SCN2A: variants seen among roughly 807,000 people sequenced by gnomAD.
SCN2A encodes sodium channel protein type 2 subunit alpha.
In SCN2A, 20 loss-of-function variants were observed where a neutral mutation model predicts 188.7. That is an observed-to-expected ratio of 0.11 (90% CI 0.07 to 0.15). The LOEUF (loss-of-function observed/expected upper bound fraction) is 0.15. Among genes scored for constraint, SCN2A ranks in the 10% least tolerant of loss-of-function variants. The pLI, the probability that SCN2A is intolerant of heterozygous loss-of-function variation, is 1.00. For missense variants in SCN2A, 1,278 were observed against 2,445.0 expected (o/e 0.52, Z 10.07); for synonymous variants, 804 against 833.1 (o/e 0.97, Z 0.60).
At chr2:165,369,166 A>G (rs939746104) in intron 19 of SCN2A, among the ~76,000 whole-genome samples, 1 of 152,100 alleles carries the variant, frequency 6.6e-6, no homozygotes, top group African/African-American at 2.4e-5. Flanking sequence ...TGGCCTCAAG[A>G]GATCTGCCCG....
At chr2:165,253,545 T>G (rs1222067397) in intron 1 of SCN2A, among the ~76,000 whole-genome samples, 2 of 152,134 alleles carry the variant, frequency 1.3e-5, no homozygotes, top group Non-Finnish European at 2.9e-5. Flanking sequence ...GACACAGCCA[T>G]GCTTATTTTT....
rs542991950 is a variant in SCN2A at position 165,370,357 on chromosome 2, A to G, written c.3849+58A>G. 391 of 1,554,668 alleles carry G rather than the reference A, an allele frequency of 2.5e-4. 4 individuals carry two copies. The South Asian group carries it at 3.5e-3, about 14-fold the overall frequency. On this transcript the variant is annotated intron_variant, in intron 20 of 26. Coordinates refer to ENST00000375437, the MANE Select transcript of SCN2A (RefSeq NM_001040142.2). ...TGGCATATATGTAATAGTTCTAGCA[A>G]TGGTGCCTGACACAGTGTAGGCACT...
At chr2:165,289,224 C>A (rs1695988938) in intron 1 of SCN2A, among the ~76,000 whole-genome samples, 1 of 151,888 alleles carries the variant, frequency 6.6e-6, no homozygotes, top group Non-Finnish European at 1.5e-5. Context: ...TTACTACATA[C>A]CCTTATTTTT....
At chr2:165,303,049 G>C (rs1696907877) in intron 3 of SCN2A, among the ~76,000 whole-genome samples, 1 of 152,012 alleles carries the variant, frequency 6.6e-6, no homozygotes, top group African/African-American at 2.4e-5. Flanking sequence ...AGTTCTTAAA[G>C]CAATATTGTT....
At position 165,354,620 on chromosome 2, in the gene SCN2A, T is replaced by C. The variant is rs781717883; in HGVS notation, c.3348T>C (p.Asn1116=). ...PIAVGESDFE[N]LNTEEFSSES... ...CTGTTGGAGAATCTGACTTTGAAAA[T>C]TTAAATACTGAAGAATTCAGCAGCG... The change falls in exon 17 of 27, where the codon AAT becomes AAC. Residue 1116 remains asparagine, a synonymous_variant. Coordinates refer to ENST00000375437, the MANE Select transcript of SCN2A (RefSeq NM_001040142.2). 82 of 1,613,862 alleles carry C rather than the reference T, an allele frequency of 5.1e-5. No homozygotes were observed. Among genetic ancestry groups the C allele is most frequent in the Non-Finnish European group, 6.8e-5 (80 of 1,179,970 alleles).
chr2:165,306,905 A>G (rs912856649), intron 3 of SCN2A, among the ~76,000 whole-genome samples: 21 of 152,308 alleles, frequency 1.4e-4, no homozygotes, highest in Admixed American at 2.6e-4. Flanking sequence ...AAAGAGTGCC[A>G]CTTTACATAA....
chr2:165,319,059 CG>C lies in SCN2A; in HGVS notation c.1671+3304del, dbSNP rs1408943712. On this transcript the variant is annotated intron_variant, in intron 11 of 26. Transcript: ENST00000375437. Reference sequence around the variant, plus strand: ...AGTCTTCTTAGAAGTAGTTCTAGGCCGGGTGTGGTGGCTCATGCCTGTAATC... The same window carrying C: ...AGTCTTCTTAGAAGTAGTTCTAGGCCGGTGTGGTGGCTCATGCCTGTAATC... Among the ~76,000 whole-genome samples the C allele has an allele frequency of 5.9e-5, 9 of 152,044 alleles. No homozygotes were observed. In the South Asian group the frequency reaches 1.0e-3, roughly 18 times the overall value.
chr2:165,288,543 A>G (rs536745285), intron 1 of SCN2A, among the ~76,000 whole-genome samples: 1 of 152,100 alleles, frequency 6.6e-6, no homozygotes, highest in Non-Finnish European at 1.5e-5. Flanking sequence ...TAGCATTAAA[A>G]AAAAAAAACA....
intron 13 of SCN2A, chr2:165,328,545 C>G (rs1698489247): frequency 3.1e-6 from 3 of 980,592 alleles, no homozygotes; most frequent in Non-Finnish European, 3.6e-6. Flanking sequence ...CAGGGTAAGT[C>G]TAAATCAACA....
chr2:165,306,038 G>T (rs1030102964), intron 3 of SCN2A, among the ~76,000 whole-genome samples: 1 of 152,090 alleles, frequency 6.6e-6, no homozygotes, highest in African/African-American at 2.4e-5. Flanking sequence ...ACCGGTGGAG[G>T]GATTGGAAAC....
chr2:165,317,686 C>G (rs2105264596), intron 11 of SCN2A, among the ~76,000 whole-genome samples: 1 of 152,208 alleles, frequency 6.6e-6, no homozygotes, highest in East Asian at 1.9e-4. Flanking sequence ...GATATTCTCC[C>G]AGCAGCCTCT....
At chr2:165,326,767 A>G in intron 12 of SCN2A, 85 bp from the exon 13 acceptor site, 1 of 1,388,196 alleles carries the variant, frequency 7.2e-7, no homozygotes, top group Non-Finnish European at 1.0e-6. Flanking sequence ...GTGTATATTT[A>G]GTTAAATAAC....
In SCN2A at chr2:165,303,270, G is replaced by GTTTTTTTTTTTTTTTT. The variant is rs71028477; in HGVS notation, c.387-4570_387-4555dup. ...TTGTATTTGAGTTTTTGTTATTTGA[G>GTTTTTTTTTTTTTTTT]TTTTTTTTTTTTTTTTTTTTTTTGA... On this transcript the variant is annotated intron_variant, in intron 3 of 26. Coordinates refer to ENST00000375437, the MANE Select transcript of SCN2A (RefSeq NM_001040142.2). 3.9e-4 allele frequency among the ~76,000 whole-genome samples: 36 copies of GTTTTTTTTTTTTTTTT among 91,304 alleles called. 3 individuals carry two copies. The highest frequency in any genetic ancestry group is 1.5e-3 in the East Asian group (4 of 2,674). 59.9% of individuals were successfully genotyped at this position (91,304 alleles called of 152,430 possible).
chr2:165,387,119 C>T (rs1701917900), intron 26 of SCN2A, 103 bp downstream of exon 26: 3 of 1,196,642 alleles, frequency 2.5e-6, no homozygotes, highest in Admixed American at 3.7e-5. Context: ...TCATCCCAAA[C>T]TCCCAAATAA....
chr2:165,309,483 A>C (rs112639117), intron 6 of SCN2A, 40 bp downstream of exon 6: 2 of 1,610,206 alleles, frequency 1.2e-6, no homozygotes. Flanking sequence ...CTTTAGCTAC[A>C]GTGGTGCTAC....
At chr2:165,350,115 G>T (rs1699807381) in intron 16 of SCN2A, among the ~76,000 whole-genome samples, 1 of 152,126 alleles carries the variant, frequency 6.6e-6, no homozygotes, top group Admixed American at 6.5e-5. Context: ...CCCTTCATTG[G>T]TTGAAGATAG....
intron 1 of SCN2A, among the ~76,000 whole-genome samples, chr2:165,249,553 G>T (rs138038300): frequency 9.2e-5 from 14 of 152,086 alleles, no homozygotes; most frequent in African/African-American, 3.1e-4. Flanking sequence ...GTGAATAAGG[G>T]ACAATGAATG....
intron 4 of SCN2A, among the ~76,000 whole-genome samples, 164 bp downstream of exon 4, chr2:165,308,101 T>A (rs781058359): frequency 6.6e-6 from 1 of 152,102 alleles, no homozygotes; most frequent in African/African-American, 2.4e-5. Flanking sequence ...GGACAAAGCT[T>A]GTAGTGGGCT....
intron 1 of SCN2A, among the ~76,000 whole-genome samples, chr2:165,263,979 TG>T (rs1321446583): frequency 6.6e-6 from 1 of 152,100 alleles, no homozygotes; most frequent in Non-Finnish European, 1.5e-5. Context: ...GCTACTGAGT[TG>T]GGTACATTAA....
Sources: gnomAD v4.1 joint callset for allele counts (sites outside exome capture counted in the v4.1 genomes callset) on GRCh38, gnomAD v4.1.1 for gene constraint, MANE v1.5 for transcripts, NCBI Gene and HGNC (gene_info 2026-07-23, HGNC 2026-07-21) for gene names.